PTPRT: variants seen among roughly 807,000 people sequenced by gnomAD.
The protein encoded by PTPRT is receptor-type tyrosine-protein phosphatase T.
In PTPRT, 56 loss-of-function variants were observed where a neutral mutation model predicts 176.8. That is an observed-to-expected ratio of 0.32 (90% confidence interval 0.26 to 0.40). The LOEUF (loss-of-function observed/expected upper bound fraction) is 0.40, where lower values mean the gene tolerates loss of function less well. Among genes scored for constraint, PTPRT ranks in the 10% least tolerant of loss-of-function variants. The probability of loss-of-function intolerance (pLI) is 1.00; values close to 1 mark genes in which losing one functional copy is unlikely to be tolerated. For synonymous variants in PTPRT, 783 were observed against 739.0 expected (o/e 1.06, Z -0.96); for missense variants, 1,540 against 1,908.2 (o/e 0.81, Z 3.60).
intron 1 of PTPRT, among the ~76,000 whole-genome samples, chr20:43,046,372 T>A (rs1306097133): frequency 6.6e-6 from 1 of 151,776 alleles, no homozygotes; most frequent in Non-Finnish European, 1.5e-5. Flanking sequence ...ATCGAGACCA[T>A]CCTGGCTAAC....
At chr20:42,478,275 C>T (rs979714723) in intron 7 of PTPRT, among the ~76,000 whole-genome samples, 2 of 152,180 alleles carry the variant, frequency 1.3e-5, no homozygotes, top group Non-Finnish European at 2.9e-5. Flanking sequence ...TGATTATGCA[C>T]ATGTTAGGGA....
At chr20:42,178,677 G>A (rs1337299980) in intron 16 of PTPRT, among the ~76,000 whole-genome samples, 1 of 152,188 alleles carries the variant, frequency 6.6e-6, no homozygotes, top group Non-Finnish European at 1.5e-5. Flanking sequence ...TCTTTTGTGA[G>A]GTTGCACTCA....
intron 2 of PTPRT, among the ~76,000 whole-genome samples, chr20:42,863,540 C>T (rs984896595): frequency 2.6e-5 from 4 of 152,166 alleles, no homozygotes; most frequent in Non-Finnish European, 4.4e-5. Context: ...CAAATGCTCA[C>T]GAATTCATGA....
At chr20:42,664,636 A>C (rs1004436284) in intron 7 of PTPRT, among the ~76,000 whole-genome samples, 1 of 152,090 alleles carries the variant, frequency 6.6e-6, no homozygotes, top group African/African-American at 2.4e-5. Context: ...AATTCATATA[A>C]ATTTTTTATT....
intron 7 of PTPRT, among the ~76,000 whole-genome samples, chr20:42,659,044 C>T (rs986082484): frequency 2.0e-5 from 3 of 152,018 alleles, no homozygotes; most frequent in Non-Finnish European, 4.4e-5. Context: ...TTTTTACATC[C>T]TTTTTTAGTG....
At chr20:42,125,738 A>G (rs1179608360) in intron 19 of PTPRT, among the ~76,000 whole-genome samples, 1 of 152,230 alleles carries the variant, frequency 6.6e-6, no homozygotes, top group African/African-American at 2.4e-5. Flanking sequence ...TGTTGCCTAT[A>G]AAATACCAAA....
intron 7 of PTPRT, among the ~76,000 whole-genome samples, chr20:42,508,801 T>G (rs1236914783): frequency 6.6e-6 from 1 of 151,066 alleles, no homozygotes; most frequent in African/African-American, 2.4e-5. Flanking sequence ...AACATATTTT[T>G]ACTTAATAGA....
At chr20:42,184,848 G>A (rs943533835) in intron 16 of PTPRT, among the ~76,000 whole-genome samples, 1 of 149,254 alleles carries the variant, frequency 6.7e-6, no homozygotes, top group African/African-American at 2.5e-5. Context: ...GTTAGCTAGA[G>A]TGGTCTCGAA....
At chr20:42,386,948 A>G (rs2145654078) in intron 9 of PTPRT, among the ~76,000 whole-genome samples, 1 of 152,360 alleles carries the variant, frequency 6.6e-6, no homozygotes, top group Middle Eastern at 3.4e-3. Flanking sequence ...ACAAGATCAT[A>G]TAGCTGAGAC....
chr20:43,138,317 C>T (rs2013897404), intron 1 of PTPRT, among the ~76,000 whole-genome samples: 1 of 152,224 alleles, frequency 6.6e-6, no homozygotes, highest in Admixed American at 6.5e-5. Context: ...AGGCCCAGGC[C>T]GCCCTGTTTG....
intron 7 of PTPRT, among the ~76,000 whole-genome samples, chr20:42,666,162 CTCA>C (rs1264996549): frequency 6.6e-6 from 1 of 152,020 alleles, no homozygotes; most frequent in Non-Finnish European, 1.5e-5. Context: ...TATGTAACAT[CTCA>C]TCATAAGTTG....
chr20:42,620,584 G>A (rs200982831), intron 7 of PTPRT, among the ~76,000 whole-genome samples: 3 of 151,974 alleles, frequency 2.0e-5, no homozygotes, highest in Admixed American at 6.5e-5. Flanking sequence ...TGTGCTAGCA[G>A]TCAGCGAGAT....
intron 2 of PTPRT, among the ~76,000 whole-genome samples, chr20:42,810,936 C>T (rs1352865015): frequency 1.3e-5 from 2 of 152,132 alleles, no homozygotes; most frequent in Non-Finnish European, 2.9e-5. Flanking sequence ...TAGAACAAGC[C>T]CCTTTGTACT....
At chr20:42,316,486 A>C (rs2057723489) in intron 11 of PTPRT, among the ~76,000 whole-genome samples, 2 of 152,154 alleles carry the variant, frequency 1.3e-5, no homozygotes, top group African/African-American at 4.8e-5. Context: ...ACCCAGATTC[A>C]ACTAGTCTCT....
chr20:42,837,698 C>T (rs2078206301), intron 2 of PTPRT, among the ~76,000 whole-genome samples: 1 of 152,178 alleles, frequency 6.6e-6, no homozygotes, highest in Non-Finnish European at 1.5e-5. Context: ...TATTCCAGTG[C>T]TTAGCAACGA....
At chr20:42,333,345 T>A (rs2057994023) in intron 11 of PTPRT, among the ~76,000 whole-genome samples, 1 of 152,192 alleles carries the variant, frequency 6.6e-6, no homozygotes, top group Non-Finnish European at 1.5e-5. Flanking sequence ...TAGGCTTAGT[T>A]TTTTTGAGAT....
intron 7 of PTPRT, among the ~76,000 whole-genome samples, chr20:42,557,008 C>T (rs1270171434): frequency 1.3e-4 from 20 of 152,062 alleles, no homozygotes; most frequent in Admixed American, 1.3e-3. Flanking sequence ...TTTTGCTTTG[C>T]CAGACACTTT....
intron 1 of PTPRT, among the ~76,000 whole-genome samples, chr20:43,144,889 AC>A (rs1319478961): frequency 6.6e-6 from 1 of 152,248 alleles, no homozygotes; most frequent in Non-Finnish European, 1.5e-5. Flanking sequence ...GTCATCAGTT[AC>A]CCCCAGGATC....
At chr20:42,583,994 ACGC>A (rs1190086756) in intron 7 of PTPRT, among the ~76,000 whole-genome samples, 2 of 152,166 alleles carry the variant, frequency 1.3e-5, no homozygotes, top group East Asian at 3.9e-4. Context: ...ATATGCAGGC[ACGC>A]CAGTTAACTG....
Sources: allele counts gnomAD v4.1 joint callset (sites outside exome capture counted in the v4.1 genomes callset), GRCh38; gene constraint gnomAD v4.1.1; transcripts MANE v1.5; gene names NCBI Gene and HGNC (gene_info 2026-07-23, HGNC 2026-07-21).